Variants in TMED10 observed in about 807,000 individuals in gnomAD.
The protein encoded by TMED10 is transmembrane emp24 domain-containing protein 10.
In TMED10, 7 loss-of-function variants were observed where a neutral mutation model predicts 23.1. The observed-to-expected ratio is 0.30, with a 90% confidence interval of 0.17 to 0.57. TMED10 has a LOEUF of 0.57. Among genes scored for constraint, TMED10 ranks in the 20% least tolerant of loss-of-function variants. The probability of loss-of-function intolerance (pLI) is 0.91; values close to 1 mark genes in which losing one functional copy is unlikely to be tolerated. For synonymous variants in TMED10, 113 were observed against 106.9 expected, an observed-to-expected ratio of 1.06 and a Z score of -0.35; for missense variants, 162 against 274.8, an observed-to-expected ratio of 0.59 and a Z score of 2.90.
Position 75,133,836 on chromosome 14 carries a change from A to T in TMED10, c.*1049T>A, listed in dbSNP as rs1193994886. ...TCAGCAATCAAAAGGAACTGCCCCC[A>T]CTTCACCACGATGCAATATATGCAT... On this transcript the variant is annotated 3_prime_UTR_variant, in exon 5 of 5. Coordinates refer to ENST00000303575, the MANE Select transcript of TMED10 (RefSeq NM_006827.6). 2 of 309,932 alleles carry T rather than the reference A, an allele frequency of 6.5e-6. No individual in the cohort carries two copies. Among genetic ancestry groups the T allele is most frequent in the African/African-American group, 4.7e-5 (2 of 42,868 alleles). The allele number at this position is 309,932 out of a possible 1,614,324, so 19.2% of individuals were successfully genotyped here.
In TMED10 at chr14:75,176,356, T is replaced by C; in HGVS notation, c.224A>G (p.Lys75Arg). Residue 75 changes from lysine (K) to arginine (R), a missense_variant and splice_region_variant, in exon 1 of 5, where the codon AAG becomes AGG. Transcript: ENST00000303575. ...GCCCCACGTCGCCCAATGCCGCACC[T>C]TGAGGTGGCTGCGCAGGCCGCCAGC... Reference protein sequence around the residue: ...GGAGGLRSHLKITDSAGHILY... With the variant: ...GGAGGLRSHLRITDSAGHILY... The C allele has an allele frequency of 6.2e-7, 1 of 1,614,080 alleles. No homozygotes were observed.
At chr14:75,164,553 ATATATATATATATATATATATATATT>A (rs1403163631) in intron 1 of TMED10, among the ~76,000 whole-genome samples, 320 of 6,010 alleles carry the variant, frequency 0.053, 17 homozygotes, top group Middle Eastern at 0.25. Context: ...ATATATATAT[ATATATATATATATATATATATATATT>A]TTTTTTTTTT....
intron 1 of TMED10, among the ~76,000 whole-genome samples, chr14:75,167,314 T>C (rs1174459564): frequency 2.6e-5 from 4 of 152,106 alleles, no homozygotes; most frequent in Non-Finnish European, 4.4e-5. Flanking sequence ...AAAGCTGAAA[T>C]ACAGTAATTC....
intron 1 of TMED10, among the ~76,000 whole-genome samples, chr14:75,173,008 G>C (rs547980636): frequency 1.3e-5 from 2 of 152,310 alleles, no homozygotes; most frequent in Admixed American, 6.5e-5. Context: ...GAGCTCCCAA[G>C]CTCTGCAGTG....
At chr14:75,165,242 T>TC (rs1021377865) in intron 1 of TMED10, among the ~76,000 whole-genome samples, 8 of 152,212 alleles carry the variant, frequency 5.3e-5, no homozygotes, top group Admixed American at 4.6e-4. Flanking sequence ...TTTCTTTCTT[T>TC]TTTTTTAGAC....
At chr14:75,144,325 G>C (rs1339322934) in intron 3 of TMED10, among the ~76,000 whole-genome samples, 1 of 152,234 alleles carries the variant, frequency 6.6e-6, no homozygotes, top group Non-Finnish European at 1.5e-5. Flanking sequence ...AAGGGCAGAA[G>C]TGAGACAGTG....
intron 1 of TMED10, among the ~76,000 whole-genome samples, chr14:75,170,914 G>T (rs1332760317): frequency 6.6e-6 from 1 of 152,190 alleles, no homozygotes; most frequent in Non-Finnish European, 1.5e-5. Flanking sequence ...ATTCCTAAGT[G>T]AAAGGTTAAT....
At chr14:75,164,229 CTTTTTTTT>C (rs765743077) in intron 1 of TMED10, among the ~76,000 whole-genome samples, 4 of 118,498 alleles carry the variant, frequency 3.4e-5, no homozygotes, top group Non-Finnish European at 7.0e-5. Flanking sequence ...CCATGCCCGG[CTTTTTTTT>C]TTTTTTTTTT....
intron 1 of TMED10, among the ~76,000 whole-genome samples, chr14:75,173,881 C>A (rs1452768921): frequency 2.6e-5 from 4 of 152,196 alleles, no homozygotes; most frequent in Admixed American, 2.0e-4. Flanking sequence ...CAGGCACACG[C>A]CACCATGCCC....
chr14:75,143,832 G>C (rs1157111272), intron 3 of TMED10, among the ~76,000 whole-genome samples: 1 of 151,696 alleles, frequency 6.6e-6, no homozygotes, highest in Non-Finnish European at 1.5e-5. Context: ...TACTCGGGAG[G>C]CTGAGGCAGA....
rs551288455 is a variant in TMED10, at chr14:75,169,809, T to C, written c.225+6546A>G. On this transcript the variant is annotated intron_variant, in intron 1 of 4. Transcript: ENST00000303575. Reference sequence around the variant, plus strand: ...ATATGACCAAAGACAAGACAATCCATTGGCTGAACTGAGACCTAGAATGTG... The same window carrying C: ...ATATGACCAAAGACAAGACAATCCACTGGCTGAACTGAGACCTAGAATGTG... Among the ~76,000 whole-genome samples the C allele has an allele frequency of 4.6e-5, 7 of 152,262 alleles. 1 individual carries two copies. The South Asian group carries it at 1.5e-3, about 32-fold the overall frequency.
At chr14:75,146,731 T>G (rs1405294096) in intron 3 of TMED10, among the ~76,000 whole-genome samples, 4 of 152,168 alleles carry the variant, frequency 2.6e-5, no homozygotes, top group African/African-American at 9.7e-5. Context: ...AATAAATAAC[T>G]TCTTATCAGC....
rs762174295 is a variant in TMED10 at position 75,147,645 on chromosome 14, C to A, written c.411+19G>T. The A allele has an allele frequency of 1.3e-5, 21 of 1,613,860 alleles. No homozygotes were observed. Among genetic ancestry groups the A allele is most frequent in the Non-Finnish European group, 1.8e-5 (21 of 1,179,762 alleles). ...CATAGCACACTGCTGCCTCCTCTGG[C>A]TGTTAGAGCAGGACATACCTCTTCG... On this transcript the variant is annotated intron_variant, in intron 3 of 4. Coordinates refer to ENST00000303575, the MANE Select transcript of TMED10 (RefSeq NM_006827.6).
At chr14:75,146,197 T>G (rs574074405) in intron 3 of TMED10, among the ~76,000 whole-genome samples, 19 of 152,348 alleles carry the variant, frequency 1.2e-4, no homozygotes, top group African/African-American at 4.1e-4. Context: ...CTGTATCACT[T>G]GCTCCTATTT....
intron 1 of TMED10, among the ~76,000 whole-genome samples, chr14:75,161,354 G>C (rs1323895617): frequency 6.6e-6 from 1 of 152,004 alleles, no homozygotes; most frequent in Admixed American, 6.6e-5. Context: ...TTCACCTGAG[G>C]GAAGAAAAAA....
At position 75,150,850 on chromosome 14, in the gene TMED10, T is replaced by C. The variant is rs547409693; in HGVS notation, c.337+1182A>G. ...CATCATAGCCCTAAAGAGTCTCCTT[T>C]GTAAAAGGACCCTTCATAATTTTTC... is the stretch of plus-strand genomic sequence containing the variant. On this transcript the variant is annotated intron_variant, in intron 2 of 4. Coordinates refer to ENST00000303575, the MANE Select transcript of TMED10 (RefSeq NM_006827.6). Among the ~76,000 whole-genome samples, 3 of 152,302 alleles carry C rather than the reference T, an allele frequency of 2.0e-5. No individual in the cohort carries two copies. The South Asian group carries it at 6.2e-4, about 32-fold the overall frequency.
intron 1 of TMED10, among the ~76,000 whole-genome samples, chr14:75,167,778 G>A (rs548229294): frequency 1.4e-3 from 220 of 152,150 alleles, no homozygotes; most frequent in Non-Finnish European, 2.8e-3. Flanking sequence ...CCAGGAGTTC[G>A]AGGTTGCAGC....
chr14:75,175,650 T>C (rs981901279), intron 1 of TMED10, among the ~76,000 whole-genome samples: 1 of 151,816 alleles, frequency 6.6e-6, no homozygotes, highest in Admixed American at 6.6e-5. Context: ...AAATGACGAG[T>C]TAATGGGTGC....
chr14:75,154,563 T>C (rs984927121), intron 1 of TMED10, among the ~76,000 whole-genome samples: 18 of 152,114 alleles, frequency 1.2e-4, no homozygotes, highest in African/African-American at 4.3e-4. Context: ...TAAAAAAAGT[T>C]TTATGGCACA....
Sources: gnomAD v4.1 joint callset for allele counts (sites outside exome capture counted in the v4.1 genomes callset) on GRCh38, gnomAD v4.1.1 for gene constraint, MANE v1.5 for transcripts, NCBI Gene and HGNC (gene_info 2026-07-23, HGNC 2026-07-21) for gene names.